Variants in DKK2 observed in about 807,000 individuals in gnomAD.
The protein encoded by DKK2 is dickkopf-related protein 2.
DKK2 carries 11 observed loss-of-function variants against 28.1 expected under a neutral mutation model. The ratio of observed to expected loss-of-function variants is 0.39; its 90% CI spans 0.25 to 0.65. The LOEUF (loss-of-function observed/expected upper bound fraction) is 0.65, where lower values mean the gene tolerates loss of function less well. Among genes scored for constraint, DKK2 ranks in the 30% least tolerant of loss-of-function variants. The pLI, the probability that DKK2 is intolerant of heterozygous loss-of-function variation, is 0.47. For synonymous variants in DKK2, 135 were observed against 126.5 expected (o/e 1.07, Z -0.45); for missense variants, 326 against 335.5 (o/e 0.97, Z 0.22).
At chr4:106,930,506 A>G (rs573786599) in intron 1 of DKK2, among the ~76,000 whole-genome samples, 2 of 152,200 alleles carry the variant, frequency 1.3e-5, no homozygotes, top group East Asian at 3.9e-4. Flanking sequence ...ACTACAATTA[A>G]AACCTTAGTT....
At chr4:107,020,855 T>C (rs1723681615) in intron 1 of DKK2, among the ~76,000 whole-genome samples, 1 of 152,030 alleles carries the variant, frequency 6.6e-6, no homozygotes, top group Admixed American at 6.6e-5. Context: ...AGAATTGTAC[T>C]GAGTATGATT....
At chr4:106,984,924 G>C (rs1723093425) in intron 1 of DKK2, among the ~76,000 whole-genome samples, 1 of 152,058 alleles carries the variant, frequency 6.6e-6, no homozygotes, top group East Asian at 1.9e-4. Flanking sequence ...AAGATTATGG[G>C]CTGGGCCGGG....
chr4:106,981,584 C>G (rs756051635), intron 1 of DKK2, among the ~76,000 whole-genome samples: 1 of 152,188 alleles, frequency 6.6e-6, no homozygotes, highest in Admixed American at 6.5e-5. Context: ...TTCTCTGAAC[C>G]AGAAGATCCT....
intron 1 of DKK2, among the ~76,000 whole-genome samples, chr4:106,939,882 G>A (rs550342399): frequency 6.6e-6 from 1 of 152,298 alleles, no homozygotes; most frequent in African/African-American, 2.4e-5. Context: ...TTAATAAATG[G>A]TGCTGGGAAA....
At chr4:107,027,152 T>C (rs2110376256) in intron 1 of DKK2, among the ~76,000 whole-genome samples, 1 of 152,208 alleles carries the variant, frequency 6.6e-6, no homozygotes, top group Non-Finnish European at 1.5e-5. Context: ...GAAAAAAGAC[T>C]CTGGATTTCA....
At chr4:107,024,812 A>G (rs2110375113) in intron 1 of DKK2, among the ~76,000 whole-genome samples, 1 of 152,326 alleles carries the variant, frequency 6.6e-6, no homozygotes, top group Middle Eastern at 3.4e-3. Context: ...AAAATAGGCT[A>G]ACAAGGTTTT....
At chr4:106,930,217 G>A (rs867278023) in intron 1 of DKK2, among the ~76,000 whole-genome samples, 1 of 152,066 alleles carries the variant, frequency 6.6e-6, no homozygotes, top group Non-Finnish European at 1.5e-5. Context: ...TGAAAATAAT[G>A]ATAATTAAAT....
At chr4:106,948,241 T>C (rs1180919090) in intron 1 of DKK2, among the ~76,000 whole-genome samples, 1 of 152,164 alleles carries the variant, frequency 6.6e-6, no homozygotes, top group Non-Finnish European at 1.5e-5. Context: ...TGCATCAGAA[T>C]CACCTGGAGG....
intron 1 of DKK2, among the ~76,000 whole-genome samples, chr4:107,007,669 T>G (rs1457954000): frequency 6.6e-6 from 1 of 152,116 alleles, no homozygotes; most frequent in East Asian, 1.9e-4. Flanking sequence ...TGAAGTGCAG[T>G]GGATATCAGT....
At chr4:106,926,044 C>A in intron 1 of DKK2, 95 bp from the exon 2 acceptor site, 2 of 1,325,046 alleles carry the variant, frequency 1.5e-6, no homozygotes, top group South Asian at 3.1e-5. Context: ...AAATGAATCA[C>A]AATATATCTC....
At chr4:106,924,761 A>G in intron 2 of DKK2, 61 bp from the exon 3 acceptor site, 3 of 1,507,264 alleles carry the variant, frequency 2.0e-6, no homozygotes, top group Non-Finnish European at 2.7e-6. Context: ...ATACTTATCC[A>G]CATACTCTCT....
intron 1 of DKK2, among the ~76,000 whole-genome samples, chr4:107,001,798 C>A (rs946106342): frequency 1.3e-5 from 2 of 152,120 alleles, no homozygotes; most frequent in African/African-American, 4.8e-5. Context: ...GAATGAAAGA[C>A]TACTTATTTT....
rs1007142202 is a variant in DKK2, at chr4:106,957,441, GAC to G, written c.223-31494_223-31493del. 1.4e-4 allele frequency among the ~76,000 whole-genome samples: 21 copies of G among 152,172 alleles called. 1 individual carries two copies. The highest frequency in any genetic ancestry group is 5.1e-4 in the African/African-American group (21 of 41,522). ...GGATTATAAATCATGCTGCTGTAAA[GAC>G]ACAGGCACACGTATGTTTATTGTAG... On this transcript the variant is annotated intron_variant, in intron 1 of 3. Transcript: ENST00000285311.
intron 1 of DKK2, among the ~76,000 whole-genome samples, chr4:106,964,906 TGATA>T (rs1315664076): frequency 6.6e-6 from 1 of 151,574 alleles, no homozygotes; most frequent in Non-Finnish European, 1.5e-5. Flanking sequence ...ACATGATAGA[TGATA>T]GATAGGAGAG....
chr4:106,959,151 GA>G (rs1638738391), intron 1 of DKK2, among the ~76,000 whole-genome samples: 1 of 152,164 alleles, frequency 6.6e-6, no homozygotes, highest in African/African-American at 2.4e-5. Context: ...TTTACTTTCT[GA>G]AATCATAAGA....
intron 1 of DKK2, among the ~76,000 whole-genome samples, chr4:107,010,894 T>C (rs981922354): frequency 6.6e-6 from 1 of 151,252 alleles, no homozygotes; most frequent in Non-Finnish European, 1.5e-5. Context: ...AAATAATATA[T>C]TTTAATTAAA....
intron 1 of DKK2, among the ~76,000 whole-genome samples, chr4:107,003,526 C>T (rs894892141): frequency 1.3e-5 from 2 of 152,248 alleles, no homozygotes; most frequent in Admixed American, 1.3e-4. Context: ...CTTCATTGCA[C>T]AGAGCGCTAA....
At chr4:107,011,215 A>G (rs187606697) in intron 1 of DKK2, among the ~76,000 whole-genome samples, 1 of 151,610 alleles carries the variant, frequency 6.6e-6, no homozygotes, top group African/African-American at 2.4e-5. Flanking sequence ...CTGAAACCAT[A>G]TTGATGAACA....
chr4:106,925,048 T>C (rs1418893091), intron 2 of DKK2, among the ~76,000 whole-genome samples: 2 of 152,184 alleles, frequency 1.3e-5, no homozygotes, highest in Non-Finnish European at 2.9e-5. Context: ...ATCCTCTGGA[T>C]CCAGATTCCT....
Sources: allele counts gnomAD v4.1 joint callset (sites outside exome capture counted in the v4.1 genomes callset), GRCh38; gene constraint gnomAD v4.1.1; transcripts MANE v1.5; gene names NCBI Gene and HGNC (gene_info 2026-07-23, HGNC 2026-07-21).